PALLD: variants seen among roughly 807,000 people sequenced by gnomAD.
PALLD encodes the protein palladin.
In PALLD, 61 loss-of-function variants were observed where a neutral mutation model predicts 123.5. That is an observed-to-expected ratio of 0.49 (90% CI 0.40 to 0.61). The LOEUF (loss-of-function observed/expected upper bound fraction) is 0.61. Among genes scored for constraint, PALLD ranks in the 20% least tolerant of loss-of-function variants. The pLI is 0.00. For synonymous variants in PALLD, 465 were observed against 496.4 expected (o/e 0.94, Z 0.84); for missense variants, 1,273 against 1,377.0 (o/e 0.92, Z 1.20).
At chr4:168,872,601 T>C (rs1294701840) in intron 10 of PALLD, among the ~76,000 whole-genome samples, 1 of 152,242 alleles carries the variant, frequency 6.6e-6, no homozygotes, top group African/African-American at 2.4e-5. Flanking sequence ...CTTAGGGGAA[T>C]GTATTTGAAT....
At chr4:168,571,707 T>A (rs1769002915) in intron 2 of PALLD, among the ~76,000 whole-genome samples, 1 of 152,206 alleles carries the variant, frequency 6.6e-6, no homozygotes, top group Non-Finnish European at 1.5e-5. Flanking sequence ...GAATGCAAGA[T>A]TCTTGAAGGT....
chr4:168,851,144 T>C (rs530786046), intron 10 of PALLD, among the ~76,000 whole-genome samples: 2 of 152,206 alleles, frequency 1.3e-5, no homozygotes, highest in African/African-American at 4.8e-5. Flanking sequence ...AACCTGCCAA[T>C]TGCACCAACA....
At chr4:168,770,226 G>A (rs746133293) in intron 10 of PALLD, among the ~76,000 whole-genome samples, 1 of 152,198 alleles carries the variant, frequency 6.6e-6, no homozygotes, top group African/African-American at 2.4e-5. Flanking sequence ...CAGACTTGGA[G>A]TACTTAAGCT....
At chr4:168,534,530 C>T (rs181599372) in intron 2 of PALLD, among the ~76,000 whole-genome samples, 14 of 152,250 alleles carry the variant, frequency 9.2e-5, no homozygotes, top group Admixed American at 7.2e-4. Flanking sequence ...AAGATTGATA[C>T]TTTTCTAATA....
At chr4:168,815,742 G>GGAA (rs1741806004) in intron 10 of PALLD, among the ~76,000 whole-genome samples, 1 of 152,142 alleles carries the variant, frequency 6.6e-6, no homozygotes, top group African/African-American at 2.4e-5. Context: ...GGTGGACGAG[G>GGAA]GAAGGTACAG....
chr4:168,662,594 T>G (rs1314840078), intron 2 of PALLD, among the ~76,000 whole-genome samples: 4 of 152,256 alleles, frequency 2.6e-5, no homozygotes, highest in Non-Finnish European at 2.9e-5. Context: ...CATCCTATTT[T>G]GTATGTTTCA....
chr4:168,675,225 T>C (rs1561382130), intron 3 of PALLD, among the ~76,000 whole-genome samples: 2 of 152,030 alleles, frequency 1.3e-5, no homozygotes, highest in South Asian at 4.2e-4. Flanking sequence ...AACCGGACCT[T>C]GTGGATAAAG....
At chr4:168,539,297 T>G (rs1765377955) in intron 2 of PALLD, among the ~76,000 whole-genome samples, 1 of 152,004 alleles carries the variant, frequency 6.6e-6, no homozygotes, top group South Asian at 2.1e-4. Flanking sequence ...GCTTTAAAAA[T>G]TACGAGTCCT....
chr4:168,589,037 A>C (rs1771133271), intron 2 of PALLD, among the ~76,000 whole-genome samples: 1 of 152,224 alleles, frequency 6.6e-6, no homozygotes, highest in Non-Finnish European at 1.5e-5. Context: ...ACACTAGGTA[A>C]TAGGACAACA....
intron 6 of PALLD, among the ~76,000 whole-genome samples, chr4:168,685,835 A>AAT: frequency 1.5e-5 from 2 of 134,704 alleles, no homozygotes; most frequent in Non-Finnish European, 1.6e-5. Context: ...AAAAAAAAAA[A>AAT]CCTGCTGTGT....
intron 2 of PALLD, among the ~76,000 whole-genome samples, chr4:168,602,823 T>C (rs1043505123): frequency 6.6e-6 from 1 of 151,994 alleles, no homozygotes; most frequent in Non-Finnish European, 1.5e-5. Context: ...TGGAGTGCAG[T>C]GGCATGATCA....
chr4:168,761,651 T>TTTTTTG (rs1732904070), intron 10 of PALLD, among the ~76,000 whole-genome samples: 1 of 36,178 alleles, frequency 2.8e-5, no homozygotes, highest in Admixed American at 2.1e-4. Context: ...GTTTGTTTTT[T>TTTTTTG]TTTTTTTTTT....
intron 10 of PALLD, among the ~76,000 whole-genome samples, chr4:168,729,955 T>C (rs149003120): frequency 6.6e-6 from 1 of 152,344 alleles, no homozygotes; most frequent in African/African-American, 2.4e-5. Context: ...ATCCTGTATA[T>C]GACTGACTTT....
chr4:168,540,387 T>C (rs555198268), intron 2 of PALLD, among the ~76,000 whole-genome samples: 1 of 152,332 alleles, frequency 6.6e-6, no homozygotes, highest in Non-Finnish European at 1.5e-5. Context: ...TGTCTTTCTC[T>C]AGGCTTCTTT....
intron 2 of PALLD, among the ~76,000 whole-genome samples, chr4:168,666,770 G>A (rs1257133257): frequency 2.6e-5 from 4 of 152,140 alleles, no homozygotes; most frequent in Non-Finnish European, 5.9e-5. Context: ...TGGTGATGGA[G>A]AGACCAATTA....
chr4:168,879,650 A>G (rs1020316127), intron 10 of PALLD, among the ~76,000 whole-genome samples: 1 of 152,266 alleles, frequency 6.6e-6, no homozygotes, highest in Non-Finnish European at 1.5e-5. Context: ...TCAGTTAGCA[A>G]TGCTTCTTTT....
rs1375715162 is a variant in PALLD at position 168,798,742 on chromosome 4, A to T, written c.1964+86819A>T. Among the ~76,000 whole-genome samples, 4 of 152,120 alleles carry T rather than the reference A, an allele frequency of 2.6e-5. No individual in the cohort carries two copies. In the East Asian group the frequency reaches 7.7e-4, roughly 29 times the overall value. ...TTAAGTATCTGCTGAAATGTTTTAA[A>T]TTTTTTCAAAATATATGTATTTTCT... On this transcript the variant is annotated intron_variant, in intron 10 of 21. Transcript: ENST00000505667.
intron 10 of PALLD, among the ~76,000 whole-genome samples, chr4:168,833,965 G>C (rs890886296): frequency 2.0e-5 from 3 of 147,846 alleles, no homozygotes; most frequent in African/African-American, 7.6e-5. Context: ...AAACATACGA[G>C]ATAGACAAGA....
In PALLD at chr4:168,711,786, A is replaced by G. The variant is rs368914897; in HGVS notation, c.1827A>G (p.Glu609=). 27 of 1,614,038 alleles carry G rather than the reference A, an allele frequency of 1.7e-5. No homozygotes were observed. Among genetic ancestry groups the G allele is most frequent in the Non-Finnish European group, 2.3e-5 (27 of 1,180,028 alleles). Residue 609 remains glutamate (E), a synonymous_variant, in exon 10 of 22, where the codon GAA becomes GAG. Coordinates refer to ENST00000505667, the MANE Select transcript of PALLD (RefSeq NM_001166108.2). ...TGCAATTCAATGCTGCTGAGAGGGA[A>G]ACGAACGGAGTCCATCCCAGCCGTG... is the stretch of plus-strand genomic sequence containing the variant. The part of the protein sequence containing the change: ...LQMQFNAAER[E]TNGVHPSRGV...
Sources: allele counts gnomAD v4.1 joint callset (sites outside exome capture counted in the v4.1 genomes callset), GRCh38; gene constraint gnomAD v4.1.1; transcripts MANE v1.5; gene names NCBI Gene and HGNC (gene_info 2026-07-23, HGNC 2026-07-21).